Variants in ABCC3 observed in about 807,000 individuals in gnomAD.
ABCC3 encodes ATP binding cassette subfamily C member 3.
ABCC3 carries 121 observed loss-of-function variants against 165.3 expected under a neutral mutation model. That is an observed-to-expected ratio of 0.73 (90% CI 0.63 to 0.85). The LOEUF is 0.85. ABCC3 is among the 40% of genes least tolerant of loss of function. The pLI is 0.00. For synonymous variants in ABCC3, 733 were observed against 810.1 expected (o/e 0.90, Z 1.62); for missense variants, 1,869 against 1,964.1 (o/e 0.95, Z 0.92).
chr17:50,673,584 A>G lies in ABCC3; in HGVS notation c.2525A>G (p.Asn842Ser). 1.9e-6 allele frequency: 3 copies of G among 1,614,198 alleles called. No individual in the cohort carries two copies. The highest frequency in any genetic ancestry group is 2.5e-6 in the Non-Finnish European group (3 of 1,180,018). ...MGPYPALLQR[N>S]GSFANFLCNY... ...CCGTACCCAGCCCTGCTGCAGCGCA[A>G]CGGCTCCTTTGCCAACTTTCTCTGC... Residue 842 changes from asparagine (N) to serine (S), a missense_variant, in exon 19 of 31, where the codon AAC becomes AGC. Physicochemically the swap from Asn to Ser is conservative, Grantham distance 46. Coordinates refer to ENST00000285238, the MANE Select transcript of ABCC3 (RefSeq NM_003786.4).
At chr17:50,686,571 C>G (rs1376166911) in intron 29 of ABCC3, among the ~76,000 whole-genome samples, 2 of 152,050 alleles carry the variant, frequency 1.3e-5, no homozygotes, top group African/African-American at 4.8e-5. Flanking sequence ...CCCTGTGCCC[C>G]ATGACTGTCT....
intron 14 of ABCC3, 134 bp downstream of exon 14, chr17:50,668,651 C>T: frequency 1.3e-6 from 1 of 799,396 alleles, no homozygotes; most frequent in Non-Finnish European, 2.1e-6. Flanking sequence ...CTCTGACCTC[C>T]TCCCTCTTCC....
intron 8 of ABCC3, chr17:50,663,146 G>C (rs1460901385): frequency 6.5e-6 from 1 of 153,778 alleles, no homozygotes; most frequent in Non-Finnish European, 1.4e-5. Flanking sequence ...GCTGCTGAGA[G>C]GGGTGGGGGG....
At chr17:50,651,635 G>A (rs1167405055) in intron 1 of ABCC3, among the ~76,000 whole-genome samples, 1 of 152,186 alleles carries the variant, frequency 6.6e-6, no homozygotes, top group African/African-American at 2.4e-5. Flanking sequence ...TGAGGCGGGA[G>A]GATTGCTTGA....
rs1247686753 is a variant in ABCC3 at position 50,691,700 on chromosome 17, G to GTA, written c.*505_*506dup. On this transcript the variant is annotated 3_prime_UTR_variant, in exon 31 of 31. Transcript: ENST00000285238. ...ATGAAATAAAACTACATGGTCAACAGTATATACACAGTAGTCTTTTTGCAC... is the reference window on the plus strand; with the variant it reads ...ATGAAATAAAACTACATGGTCAACAGTATATATACACAGTAGTCTTTTTGCAC... 3 of 157,610 alleles carry GTA rather than the reference G, an allele frequency of 1.9e-5. No individual in the cohort carries two copies. The highest frequency in any genetic ancestry group is 4.2e-5 in the Non-Finnish European group (3 of 71,064). 9.8% of individuals were successfully genotyped at this position (157,610 alleles called of 1,614,324 possible).
chr17:50,646,678 C>T lies in ABCC3; in HGVS notation c.46-9154C>T, dbSNP rs1425026902. On this transcript the variant is annotated intron_variant, in intron 1 of 30. Transcript: ENST00000285238. ...GGGAAAACCATGCAGGATCTGGGAC[C>T]CCAGGGAATCTGAAGGGAAGAGACC... Among the ~76,000 whole-genome samples the T allele has an allele frequency of 3.3e-5, 5 of 152,240 alleles. No homozygotes were observed. The East Asian group carries it at 5.8e-4, about 18-fold the overall frequency.
chr17:50,647,750 C>T (rs1180999607), intron 1 of ABCC3, among the ~76,000 whole-genome samples: 1 of 152,138 alleles, frequency 6.6e-6, no homozygotes, highest in African/African-American at 2.4e-5. Flanking sequence ...TTAATTCGCC[C>T]TTGGAGGCTG....
chr17:50,681,695 C>A (rs567427344), intron 26 of ABCC3, among the ~76,000 whole-genome samples: 20 of 152,344 alleles, frequency 1.3e-4, no homozygotes, highest in Non-Finnish European at 1.0e-4. Context: ...TTCTGGCCCT[C>A]GCTCCACGGA....
In ABCC3 at chr17:50,658,601, A is replaced by G. The variant is rs1017399768; in HGVS notation, c.674+105A>G. ...AGTTTAGGGACCGGGCTGGCCACCTATCCCACCCCCCACCGCAGTGGGCAC... is the reference window on the plus strand; with the variant it reads ...AGTTTAGGGACCGGGCTGGCCACCTGTCCCACCCCCCACCGCAGTGGGCAC... On this transcript the variant is annotated intron_variant, in intron 6 of 30. Transcript: ENST00000285238. The G allele has an allele frequency of 7.1e-6, 9 of 1,263,076 alleles. No homozygotes were observed. The African/African-American group carries it at 1.2e-4, about 17-fold the overall frequency. The allele number at this position is 1,263,076 out of a possible 1,614,324, so 78.2% of individuals were successfully genotyped here.
rs762934281 is a variant in ABCC3 at position 50,656,783 on chromosome 17, G to GCC, written c.307_308dup (p.Val104LeufsTer20). 1 of 1,613,828 alleles carries GCC rather than the reference G, an allele frequency of 6.2e-7. No individual in the cohort carries two copies. Among genetic ancestry groups the GCC allele is most frequent in the Non-Finnish European group, 8.5e-7 (1 of 1,179,914 alleles). On this transcript the variant is annotated frameshift_variant, in exon 3 of 31. Transcript: ENST00000285238. LOFTEE classifies it high-confidence loss of function. ...TGGCCTGGTCCATGGCCGGGCCCCT[G>GCC]CCCCTGTTTTCTTTGTCACCCCCTT... is the stretch of plus-strand genomic sequence containing the variant.
intron 10 of ABCC3, chr17:50,664,670 T>C (rs1967480259): frequency 6.7e-6 from 1 of 149,750 alleles, no homozygotes; most frequent in Non-Finnish European, 1.3e-5. Flanking sequence ...ACCACTGCAC[T>C]CTAGCCTGGG....
In ABCC3 at chr17:50,687,550, A is replaced by G; in HGVS notation, c.4295A>G (p.Gln1432Arg). Residue 1432 changes from glutamine to arginine, a missense_variant, in exon 30 of 31, where the codon CAG (glutamine) becomes CGG (arginine). Physicochemically the swap from Gln to Arg is conservative, Grantham distance 43 (BLOSUM62 1). Coordinates refer to ENST00000285238, the MANE Select transcript of ABCC3 (RefSeq NM_003786.4). Reference protein sequence around the residue: ...GGENLSVGQRQLVCLARALLR... With the variant: ...GGENLSVGQRRLVCLARALLR... The stretch of plus-strand genomic sequence containing the variant: ...TCCACTCCCAGCGTGGGCCAGAGGC[A>G]GCTCGTGTGCCTGGCCCGAGCCCTG... The G allele has an allele frequency of 6.2e-7, 1 of 1,613,646 alleles. No homozygotes were observed. Among genetic ancestry groups the G allele is most frequent in the East Asian group, 2.2e-5 (1 of 44,880 alleles).
intron 8 of ABCC3, among the ~76,000 whole-genome samples, chr17:50,662,516 G>A: frequency 6.6e-6 from 1 of 151,992 alleles, no homozygotes; most frequent in East Asian, 1.9e-4. Flanking sequence ...CATACGCCTA[G>A]AGTCCTAGCT....
chr17:50,644,310 CAAAAAAAA>C (rs57937379), intron 1 of ABCC3, among the ~76,000 whole-genome samples: 1,033 of 51,252 alleles, frequency 0.02, 20 homozygotes, highest in African/African-American at 0.076. Flanking sequence ...GACTCCGTCT[CAAAAAAAA>C]AAAAAAAAAA....
chr17:50,663,777 G>T lies in ABCC3; in HGVS notation c.1095G>T (p.Leu365=), dbSNP rs1967455003. The T allele has an allele frequency of 1.9e-6, 3 of 1,614,088 alleles. No homozygotes were observed. Among genetic ancestry groups the T allele is most frequent in the Admixed American group, 3.3e-5 (2 of 60,002 alleles). The change falls in exon 9 of 31, where the codon CTG becomes CTT. Residue 365 remains leucine, a synonymous_variant. Coordinates refer to ENST00000285238, the MANE Select transcript of ABCC3 (RefSeq NM_003786.4). ...LMFLCSMMQS[L]ILQHYYHYIF... Reference sequence around the variant, plus strand: ...TCCTGTGCTCCATGATGCAGTCGCTGATCTTACAACACTATTACCACTACA... The same window carrying T: ...TCCTGTGCTCCATGATGCAGTCGCTTATCTTACAACACTATTACCACTACA...
chr17:50,678,303 C>T (rs1967868299), intron 25 of ABCC3, 84 bp downstream of exon 25: 2 of 1,432,712 alleles, frequency 1.4e-6, no homozygotes, highest in African/African-American at 1.4e-5. Flanking sequence ...GAGTGCCCCT[C>T]CCTGCTCAGT....
At chr17:50,655,413 A>AAG (rs1470136465) in intron 1 of ABCC3, among the ~76,000 whole-genome samples, 1 of 149,338 alleles carries the variant, frequency 6.7e-6, no homozygotes, top group Non-Finnish European at 1.5e-5. Flanking sequence ...TCAAAAAAAA[A>AAG]AAAAAAAACA....
Position 50,674,042 on chromosome 17 carries a change from T to C in ABCC3, c.2599+384T>C, listed in dbSNP as rs368841542. 1.5e-3 allele frequency among the ~76,000 whole-genome samples: 48 copies of C among 32,292 alleles called. 16 individuals are homozygous for C. Among genetic ancestry groups the C allele is most frequent in the African/African-American group, 2.4e-3 (10 of 4,190 alleles). The allele number at this position is 32,292 out of a possible 152,430, so 21.2% of individuals were successfully genotyped here. A position where few individuals can be genotyped will look rare whatever the true frequency, so the allele number is the denominator to read the frequency against. On this transcript the variant is annotated intron_variant, in intron 19 of 30. Transcript: ENST00000285238. The stretch of plus-strand genomic sequence containing the variant: ...TCTCTCTCTCTCTCTCTCTCTTTCT[T>C]TCTTTCTTTCTTTCTTTCTTTCTTT...
intron 17 of ABCC3, 68 bp from the exon 18 acceptor site, chr17:50,672,903 C>A: frequency 1.4e-6 from 2 of 1,417,620 alleles, no homozygotes; most frequent in Non-Finnish European, 1.9e-6. Context: ...TCCCAAATAA[C>A]AGTGGACAGG....
Sources: allele counts gnomAD v4.1 joint callset (sites outside exome capture counted in the v4.1 genomes callset), GRCh38; gene constraint gnomAD v4.1.1; transcripts MANE v1.5; gene names NCBI Gene and HGNC (gene_info 2026-07-23, HGNC 2026-07-21).